The following STK32B variants were observed in gnomAD, a reference collection of about 807,000 sequenced individuals.
STK32B encodes serine/threonine-protein kinase 32B.
In STK32B, 43 loss-of-function variants were observed where a neutral mutation model predicts 52.6. The ratio of observed to expected loss-of-function variants is 0.82; its 90% CI spans 0.64 to 1.05. The LOEUF (loss-of-function observed/expected upper bound fraction) is 1.05. Among genes scored for constraint, STK32B ranks in the 50% least tolerant of loss-of-function variants. The pLI, the probability that STK32B is intolerant of heterozygous loss-of-function variation, is 0.00. For missense variants in STK32B, 621 were observed against 534.6 expected (o/e 1.16, Z -1.59); for synonymous variants, 238 against 204.3 (o/e 1.17, Z -1.41).
chr4:5,315,189 G>C (rs980217897), intron 3 of STK32B, among the ~76,000 whole-genome samples: 9 of 152,048 alleles, frequency 5.9e-5, no homozygotes, highest in Non-Finnish European at 2.9e-5. Flanking sequence ...TCCCAGAAGA[G>C]GACATACAAA....
At chr4:5,486,356 G>C (rs978142805) in intron 11 of STK32B, among the ~76,000 whole-genome samples, 2 of 152,164 alleles carry the variant, frequency 1.3e-5, no homozygotes, top group South Asian at 4.1e-4. Flanking sequence ...AGCAATGAGC[G>C]AGGCTCCGTG....
intron 6 of STK32B, among the ~76,000 whole-genome samples, chr4:5,440,241 G>T (rs1462028248): frequency 1.2e-4 from 19 of 152,260 alleles, no homozygotes; most frequent in African/African-American, 4.3e-4. Context: ...CATGAGCATG[G>T]AATGTTCTTC....
At chr4:5,100,777 CT>C (rs1713732491) in intron 1 of STK32B, among the ~76,000 whole-genome samples, 1 of 114,296 alleles carries the variant, frequency 8.7e-6, no homozygotes, top group Non-Finnish European at 1.8e-5. Flanking sequence ...CCCTCCTTCC[CT>C]TCTTCCTTCC....
chr4:5,491,311 C>T (rs1393092745), intron 11 of STK32B, among the ~76,000 whole-genome samples: 5 of 152,164 alleles, frequency 3.3e-5, no homozygotes, highest in Admixed American at 6.5e-5. Flanking sequence ...TTTTGATTTG[C>T]ATTTCTCTGA....
chr4:5,317,539 GTATA>G (rs373146893), intron 3 of STK32B, among the ~76,000 whole-genome samples: 3 of 92,140 alleles, frequency 3.3e-5, no homozygotes, highest in Non-Finnish European at 3.6e-5. Flanking sequence ...TATATTACAT[GTATA>G]TATATATATA....
At chr4:5,498,859 G>T in intron 11 of STK32B, 86 bp from the exon 12 acceptor site, 1 of 1,485,338 alleles carries the variant, frequency 6.7e-7, no homozygotes, top group Non-Finnish European at 9.0e-7. Flanking sequence ...AGGCTCCACA[G>T]TTGCCCTGCC....
intron 1 of STK32B, among the ~76,000 whole-genome samples, chr4:5,127,991 TTGTGAGGCCTCCCCAGCCATGTGGGAC>T (rs1421180654): frequency 1.3e-5 from 2 of 152,178 alleles, no homozygotes; most frequent in Non-Finnish European, 1.5e-5. Context: ...TCCACCATGA[TTGTGAGGCCTCCCCAGCCATGTGGGAC>T]TGTGAGTCAG....
At chr4:5,102,426 CTCCTTCCTTGCTTCCTTCCTTCCT>C (rs1269757493) in intron 1 of STK32B, among the ~76,000 whole-genome samples, 31 of 144,520 alleles carry the variant, frequency 2.1e-4, no homozygotes, top group African/African-American at 7.7e-4. Context: ...TTTCCTTCTT[CTCCTTCCTTGCTTCCTTCCTTCCT>C]TCCTTCCTTC....
At chr4:5,376,476 G>C (rs1044785850) in intron 4 of STK32B, among the ~76,000 whole-genome samples, 4 of 151,770 alleles carry the variant, frequency 2.6e-5, no homozygotes, top group Admixed American at 6.6e-5. Flanking sequence ...CCACCTGCCA[G>C]ACAGCAGGTT....
intron 3 of STK32B, among the ~76,000 whole-genome samples, chr4:5,272,310 T>C (rs1056831620): frequency 6.7e-6 from 1 of 149,184 alleles, no homozygotes; most frequent in Non-Finnish European, 1.5e-5. Context: ...ATTACATTTA[T>C]TGATTTGTGT....
In STK32B at chr4:5,291,168, A is replaced by G. The variant is rs1023368856; in HGVS notation, c.261-40052A>G. 1.9e-4 allele frequency among the ~76,000 whole-genome samples: 29 copies of G among 152,132 alleles called. 1 individual carries two copies. The highest frequency in any genetic ancestry group is 6.8e-4 in the African/African-American group (28 of 41,452). On this transcript the variant is annotated intron_variant, in intron 3 of 11. Coordinates refer to ENST00000282908, the MANE Select transcript of STK32B (RefSeq NM_018401.3). ...GTGATTATGTATCTCTTGCATGTCC[A>G]TAGGAATTTTAATACCAGCCAGCAA...
intron 11 of STK32B, among the ~76,000 whole-genome samples, chr4:5,493,174 C>T (rs1560460846): frequency 6.6e-6 from 1 of 151,868 alleles, no homozygotes; most frequent in Non-Finnish European, 1.5e-5. Context: ...CTCCTTGTAC[C>T]TCTGATAGAA....
At position 5,403,159 on chromosome 4, in the gene STK32B, C is replaced by A. The variant is rs140882723; in HGVS notation, c.472+4915C>A. Among the ~76,000 whole-genome samples, 365 of 152,304 alleles carry A rather than the reference C, an allele frequency of 2.4e-3. 1 individual carries two copies. Among genetic ancestry groups the A allele is most frequent in the Middle Eastern group, 0.014 (4 of 294 alleles). On this transcript the variant is annotated intron_variant, in intron 5 of 11. Transcript: ENST00000282908. ...GCTGGCCAATCCTAGGGCTGGTAAA[C>A]AACCTGCCCCAAGGCACACTTTTCA...
At chr4:5,224,641 A>G (rs1055912792) in intron 3 of STK32B, among the ~76,000 whole-genome samples, 2 of 152,166 alleles carry the variant, frequency 1.3e-5, no homozygotes, top group African/African-American at 4.8e-5. Flanking sequence ...CTACTGTCAG[A>G]CGAATCTCAG....
intron 3 of STK32B, among the ~76,000 whole-genome samples, chr4:5,322,588 G>A (rs927134045): frequency 6.6e-6 from 1 of 152,330 alleles, no homozygotes. Flanking sequence ...GCCTCAGGAA[G>A]AAGAAGTGGA....
intron 4 of STK32B, among the ~76,000 whole-genome samples, chr4:5,385,004 A>G (rs1477738105): frequency 3.9e-5 from 6 of 152,138 alleles, no homozygotes; most frequent in Non-Finnish European, 5.9e-5. Flanking sequence ...GCAGATGGCA[A>G]CAGTGACCAG....
chr4:5,185,308 AG>A (rs1306261987), intron 3 of STK32B, among the ~76,000 whole-genome samples: 1 of 152,144 alleles, frequency 6.6e-6, no homozygotes, highest in African/African-American at 2.4e-5. Flanking sequence ...GGATGAGAAC[AG>A]ATGTCAGAAG....
Position 5,347,138 on chromosome 4 carries a change from A to T in STK32B, c.434+15745A>T, listed in dbSNP as rs117609629. ...GGGTGGGGACACAGAGCCAAACCAT[A>T]TCAGTCACCATAAAAAGTGTTCACC... On this transcript the variant is annotated intron_variant, in intron 4 of 11. Coordinates refer to ENST00000282908, the MANE Select transcript of STK32B (RefSeq NM_018401.3). 1.2e-3 allele frequency among the ~76,000 whole-genome samples: 188 copies of T among 152,292 alleles called. 3 individuals are homozygous for T. The East Asian group carries it at 0.035, about 28-fold the overall frequency.
Position 5,317,201 on chromosome 4 carries a change from AT to A in STK32B, c.261-14017del, listed in dbSNP as rs1560313194. On this transcript the variant is annotated intron_variant, in intron 3 of 11. Transcript: ENST00000282908. ...TAATATATATATATAACATATATAT[AT>A]TATATATATAACATATATATATTAT... is the stretch of plus-strand genomic sequence containing the variant. 8.2e-5 allele frequency among the ~76,000 whole-genome samples: 5 copies of A among 60,652 alleles called. No individual in the cohort carries two copies. In the South Asian group the frequency reaches 1.6e-3, roughly 19 times the overall value. 39.8% of individuals were successfully genotyped at this position (60,652 alleles called of 152,430 possible). A position where few individuals can be genotyped will look rare whatever the true frequency, so the allele number is the denominator to read the frequency against.
Sources: allele counts gnomAD v4.1 joint callset (sites outside exome capture counted in the v4.1 genomes callset), GRCh38; gene constraint gnomAD v4.1.1; transcripts MANE v1.5; gene names NCBI Gene and HGNC (gene_info 2026-07-23, HGNC 2026-07-21).